SYT14: variants seen among roughly 807,000 people sequenced by gnomAD.
SYT14 encodes the protein synaptotagmin-14.
In SYT14, 32 loss-of-function variants were observed where a neutral mutation model predicts 74.2. The ratio of observed to expected loss-of-function variants is 0.43; its 90% CI spans 0.33 to 0.58. The LOEUF (loss-of-function observed/expected upper bound fraction) is 0.58, where lower values mean the gene tolerates loss of function less well. Ranked by LOEUF, SYT14 falls within the 20% of genes least tolerant of loss-of-function variation. The pLI is 0.05. For synonymous variants in SYT14, 298 were observed against 337.7 expected (o/e 0.88, Z 1.29); for missense variants, 791 against 981.8 (o/e 0.81, Z 2.60).
chr1:209,990,590 T>C lies in SYT14; in HGVS notation c.-485-23043T>C, dbSNP rs570689234. 8.6e-5 allele frequency among the ~76,000 whole-genome samples: 12 copies of C among 140,306 alleles called. No individual in the cohort carries two copies. In the East Asian group the frequency reaches 3.5e-3, roughly 41 times the overall value. The allele number at this position is 140,306 out of a possible 152,430, so 92.0% of individuals were successfully genotyped here. A position where few individuals can be genotyped will look rare whatever the true frequency, so the allele number is the denominator to read the frequency against. ...ATATATGTATGTATATTTCTTGTTT[T>C]AATGAAATAAAGTGTGTTGCTTTTT... On this transcript the variant is annotated intron_variant, in intron 2 of 9. Coordinates refer to ENST00000637265, the Ensembl canonical transcript of SYT14.
At chr1:210,059,087 A>G (rs2081152474) in intron 5 of SYT14, among the ~76,000 whole-genome samples, 3 of 152,124 alleles carry the variant, frequency 2.0e-5, no homozygotes, top group African/African-American at 7.2e-5. Flanking sequence ...TTAGAAACTT[A>G]GATATAGAGA....
exon 10 of SYT14, chr1:210,169,996 G>T (rs2083506708): frequency 6.7e-6 from 1 of 150,162 alleles, no homozygotes; most frequent in Non-Finnish European, 1.5e-5. Context: ...CATTTTTTCA[G>T]GCAAGAAGCT....
chr1:209,938,400 G>C, intron 1 of SYT14, 123 bp downstream of exon 1: 1 of 944,870 alleles, frequency 1.1e-6, no homozygotes, highest in Non-Finnish European at 1.5e-6. Flanking sequence ...GCCGGCTGAA[G>C]ACGCGCGGGG....
intron 2 of SYT14, among the ~76,000 whole-genome samples, chr1:209,973,058 A>G (rs1176380814): frequency 6.6e-6 from 1 of 152,074 alleles, no homozygotes; most frequent in African/African-American, 2.4e-5. Flanking sequence ...TAGGATAGTT[A>G]AGTCTTGTTT....
At chr1:210,133,534 A>G (rs1051340945) in intron 7 of SYT14, among the ~76,000 whole-genome samples, 2 of 152,204 alleles carry the variant, frequency 1.3e-5, no homozygotes, top group African/African-American at 2.4e-5. Context: ...GAGTTAGTCA[A>G]TAGTGGTGCC....
chr1:210,021,808 G>A (rs1372592643), intron 5 of SYT14, among the ~76,000 whole-genome samples: 2 of 152,062 alleles, frequency 1.3e-5, no homozygotes, highest in Non-Finnish European at 2.9e-5. Flanking sequence ...GGCAATTTAA[G>A]GTATTTTCAA....
intron 5 of SYT14, among the ~76,000 whole-genome samples, chr1:210,034,291 GAA>G (rs2080606244): frequency 6.6e-6 from 1 of 151,700 alleles, no homozygotes; most frequent in African/African-American, 2.4e-5. Flanking sequence ...CTTCTCCACT[GAA>G]ATAACTTAGA....
exon 10 of SYT14, chr1:210,161,013 T>C (rs747750891): frequency 4.3e-6 from 7 of 1,613,868 alleles, no homozygotes; most frequent in East Asian, 2.2e-5. Flanking sequence ...ACAGCAAGTA[T>C]GTAGATGGCA....
chr1:210,058,623 C>T (rs2081143753), intron 5 of SYT14, among the ~76,000 whole-genome samples: 1 of 152,108 alleles, frequency 6.6e-6, no homozygotes, highest in Non-Finnish European at 1.5e-5. Context: ...CTGAATATCA[C>T]CCAAATGAAT....
chr1:209,942,568 A>T (rs1012928533), intron 1 of SYT14, among the ~76,000 whole-genome samples: 1 of 152,242 alleles, frequency 6.6e-6, no homozygotes, highest in Non-Finnish European at 1.5e-5. Flanking sequence ...ATCGCTCATT[A>T]AGAGACTTGC....
chr1:210,021,657 C>T (rs1295232307), intron 5 of SYT14, among the ~76,000 whole-genome samples: 1 of 152,176 alleles, frequency 6.6e-6, no homozygotes, highest in Non-Finnish European at 1.5e-5. Context: ...TATACTGTCT[C>T]ATTCAATATG....
At chr1:210,092,292 T>G (rs2102519013) in intron 5 of SYT14, among the ~76,000 whole-genome samples, 1 of 152,298 alleles carries the variant, frequency 6.6e-6, no homozygotes, top group African/African-American at 2.4e-5. Context: ...ATTCTCATAC[T>G]TGTCACTGTA....
At chr1:210,093,728 T>C (rs565375178) in intron 5 of SYT14, among the ~76,000 whole-genome samples, 3 of 152,250 alleles carry the variant, frequency 2.0e-5, no homozygotes, top group African/African-American at 7.2e-5. Flanking sequence ...TCTTTGCAGA[T>C]TGATGGATGT....
At chr1:210,020,129 T>C (rs2080272415) in intron 4 of SYT14, among the ~76,000 whole-genome samples, 1 of 152,214 alleles carries the variant, frequency 6.6e-6, no homozygotes, top group Non-Finnish European at 1.5e-5. Context: ...AATGGGAATA[T>C]AATTATAACT....
intron 7 of SYT14, among the ~76,000 whole-genome samples, chr1:210,125,858 T>C (rs1238142691): frequency 6.6e-6 from 1 of 152,186 alleles, no homozygotes; most frequent in Non-Finnish European, 1.5e-5. Flanking sequence ...GTTAAAATGG[T>C]TTCTTAACAT....
chr1:210,099,312 G>A (rs920436631), intron 6 of SYT14, among the ~76,000 whole-genome samples: 8 of 151,990 alleles, frequency 5.3e-5, no homozygotes, highest in Admixed American at 6.6e-5. Flanking sequence ...AAAAACTACC[G>A]TTACAGCCTT....
In SYT14 at chr1:210,111,437, G is replaced by A. The variant is rs1186711312; in HGVS notation, c.2034+10976G>A. On this transcript the variant is annotated intron_variant, in intron 7 of 9. Coordinates refer to ENST00000637265, the Ensembl canonical transcript of SYT14. ...TCTGGATGTATACATGCAGGCTTGG[G>A]CCCAGAGGCCTGACATTGTTTTCTT... 2.0e-5 allele frequency among the ~76,000 whole-genome samples: 3 copies of A among 151,226 alleles called. 1 individual carries two copies. The highest frequency in any genetic ancestry group is 7.4e-5 in the African/African-American group (3 of 40,546).
At chr1:209,949,948 T>G (rs2078885919) in intron 1 of SYT14, among the ~76,000 whole-genome samples, 1 of 152,186 alleles carries the variant, frequency 6.6e-6, no homozygotes, top group Admixed American at 6.5e-5. Flanking sequence ...TTATATAATA[T>G]AGATAAATTG....
intron 7 of SYT14, among the ~76,000 whole-genome samples, chr1:210,126,680 C>G (rs961716308): frequency 6.6e-6 from 1 of 152,142 alleles, no homozygotes; most frequent in Non-Finnish European, 1.5e-5. Flanking sequence ...GAAATGAGAA[C>G]TAAAAGTACT....
Sources: allele counts gnomAD v4.1 joint callset (sites outside exome capture counted in the v4.1 genomes callset), GRCh38; gene constraint gnomAD v4.1.1; transcripts MANE v1.5; gene names NCBI Gene and HGNC (gene_info 2026-07-23, HGNC 2026-07-21).